The following ATAD3A variants were observed in gnomAD, a reference collection of about 807,000 sequenced individuals.
The protein encoded by ATAD3A is ATPase family AAA domain containing 3A, also known as ATPase family AAA domain-containing protein 3A.
Under a neutral mutation model 73.8 loss-of-function variants are expected in ATAD3A, and 46 were observed. That is an observed-to-expected ratio of 0.62 (90% CI 0.49 to 0.80). ATAD3A has a LOEUF of 0.80. ATAD3A is among the 30% of genes least tolerant of loss of function. The pLI, the probability that ATAD3A is intolerant of heterozygous loss-of-function variation, is 0.00. For missense variants in ATAD3A, 705 were observed against 838.0 expected (o/e 0.84, Z 1.96); for synonymous variants, 319 against 350.0 (o/e 0.91, Z 0.99).
rs374605918 is a variant in ATAD3A, at chr1:1,516,052, G to A, written c.246G>A (p.Glu82=). Residue 82 remains glutamate (E), a synonymous_variant, in exon 2 of 16, where the codon GAG becomes GAA. Coordinates refer to ENST00000378756, the MANE Select transcript of ATAD3A (RefSeq NM_001170535.3). The stretch of plus-strand genomic sequence containing the variant: ...CCCTGAATCTGGCACAGATGCAGGA[G>A]CAGACGCTGCAGTTGGAGCAACAGT... ...KDALNLAQMQ[E]QTLQLEQQSK... 2.5e-6 allele frequency: 4 copies of A among 1,613,858 alleles called. No homozygotes were observed. The highest frequency in any genetic ancestry group is 2.2e-5 in the East Asian group (1 of 44,902).
Position 1,523,431 on chromosome 1 carries a change from C to A in ATAD3A, c.907-80C>A, listed in dbSNP as rs546556619. 6.4e-7 allele frequency: 1 copy of A among 1,556,546 alleles called. No homozygotes were observed. The highest frequency in any genetic ancestry group is 8.7e-7 in the Non-Finnish European group (1 of 1,148,146). On this transcript the variant is annotated intron_variant, in intron 8 of 15. Transcript: ENST00000378756. This position sits in a 1 kb window ranked among gnomAD's most constrained non-coding sequence, Gnocchi z 5.1. ...GGGCAGCTCCGTTTCTGCGTGTTAC[C>A]GAGCGTGTGTGTGCGCGTTGGTGGC...
intron 2 of ATAD3A, among the ~76,000 whole-genome samples, chr1:1,516,533 C>T (rs1050481766): frequency 6.6e-6 from 1 of 152,160 alleles, no homozygotes; most frequent in African/African-American, 2.4e-5. Context: ...CTGCCTCAGC[C>T]TCCTGAATAG....
chr1:1,531,308 G>GGGTGTGGT (rs1345535681), intron 15 of ATAD3A, among the ~76,000 whole-genome samples: 1 of 151,846 alleles, frequency 6.6e-6, no homozygotes, highest in Non-Finnish European at 1.5e-5. Flanking sequence ...AAAATTAGCT[G>GGGTGTGGT]GGTGTGGTGG....
intron 15 of ATAD3A, among the ~76,000 whole-genome samples, chr1:1,529,640 C>G (rs1275691298): frequency 6.6e-6 from 1 of 152,242 alleles, no homozygotes; most frequent in Non-Finnish European, 1.5e-5. Flanking sequence ...CTGACTCTCA[C>G]CTTGGCCAAT....
At chr1:1,528,799 G>C (rs1422332494) in intron 14 of ATAD3A, among the ~76,000 whole-genome samples, 1 of 152,238 alleles carries the variant, frequency 6.6e-6, no homozygotes, top group African/African-American at 2.4e-5. Context: ...TGCCAGCCCA[G>C]CTTTCCGGGC....
chr1:1,516,011 G>A lies in ATAD3A; in HGVS notation c.206-1G>A, dbSNP rs1361468942. 6.2e-7 allele frequency: 1 copy of A among 1,614,064 alleles called. No individual in the cohort carries two copies. Among genetic ancestry groups the A allele is most frequent in the Admixed American group, 1.7e-5 (1 of 60,018 alleles). On this transcript the variant is annotated splice_acceptor_variant, in intron 1 of 15. Transcript: ENST00000378756. LOFTEE classifies it high-confidence loss of function. ...TGCCCTCCGTGTCCTTGCGTCTGCA[G>A]GTTATGCCAAGGACGCCCTGAATCT... is the stretch of plus-strand genomic sequence containing the variant.
intron 4 of ATAD3A, among the ~76,000 whole-genome samples, chr1:1,518,012 C>G (rs1641423631): frequency 6.6e-6 from 1 of 151,936 alleles, no homozygotes; most frequent in Non-Finnish European, 1.5e-5. Context: ...GACACACACT[C>G]CTCGCACACA....
rs182747581 is a variant in ATAD3A, at chr1:1,534,446, G to A, written c.*374G>A. On this transcript the variant is annotated 3_prime_UTR_variant, in exon 16 of 16. Transcript: ENST00000378756. The stretch of plus-strand genomic sequence containing the variant: ...CCAGGCAGGTGATGTCTTTGTTCTC[G>A]GCTCCCACAGCAGAGCCAGGTGAGG... 3.5e-4 allele frequency: 434 copies of A among 1,224,708 alleles called. 7 individuals are homozygous for A. In the South Asian group the frequency reaches 5.6e-3, roughly 16 times the overall value. 75.9% of individuals were successfully genotyped at this position (1,224,708 alleles called of 1,614,324 possible).
At chr1:1,513,092 C>G (rs1641251891) in intron 1 of ATAD3A, among the ~76,000 whole-genome samples, 1 of 152,220 alleles carries the variant, frequency 6.6e-6, no homozygotes, top group Non-Finnish European at 1.5e-5. Context: ...TCAGGTGATT[C>G]GCCCACCTCG....
rs748761098 is a variant in ATAD3A at position 1,529,345 on chromosome 1, C to T, written c.1614+14C>T. The T allele has an allele frequency of 2.4e-5, 37 of 1,551,990 alleles. No homozygotes were observed. Among genetic ancestry groups the T allele is most frequent in the Admixed American group, 5.9e-5 (3 of 51,192 alleles). On this transcript the variant is annotated intron_variant, in intron 15 of 15. Coordinates refer to ENST00000378756, the MANE Select transcript of ATAD3A (RefSeq NM_001170535.3). ...GTGTCCTGGCAGGTGAGTCAGGCTC[C>T]GGCACGTCCACCCAGACGGGACCCC...
chr1:1,533,075 G>A (rs2100689376), intron 15 of ATAD3A, among the ~76,000 whole-genome samples: 1 of 152,342 alleles, frequency 6.6e-6, no homozygotes, highest in Admixed American at 6.5e-5. Flanking sequence ...CGTGGCGACG[G>A]TGTTGTGGGA....
intron 12 of ATAD3A, among the ~76,000 whole-genome samples, chr1:1,526,020 C>G (rs1641830099): frequency 6.6e-6 from 1 of 150,494 alleles, no homozygotes; most frequent in Non-Finnish European, 1.5e-5. Flanking sequence ...GCTTTCTTTT[C>G]TTTTTCTTTT....
rs751269669 is a variant in ATAD3A, at chr1:1,524,013, C to T, written c.1089+49C>T. 8.1e-6 allele frequency: 13 copies of T among 1,612,546 alleles called. No individual in the cohort carries two copies. In the African/African-American group the frequency reaches 1.6e-4, roughly 20 times the overall value. On this transcript the variant is annotated intron_variant, in intron 10 of 15. Transcript: ENST00000378756. ...TGGGCCAGGGGCCGCTGGGGTCTCA[C>T]CTGCCTGCAGGTGTCTGGGGGGCTC...
At chr1:1,526,295 A>T (rs1283868874) in intron 12 of ATAD3A, among the ~76,000 whole-genome samples, 166 bp from the exon 13 acceptor site, 19 of 152,002 alleles carry the variant, frequency 1.2e-4, no homozygotes, top group Admixed American at 1.2e-3. Context: ...TCCAGGTTAC[A>T]TTCGTGAGCC....
intron 15 of ATAD3A, among the ~76,000 whole-genome samples, chr1:1,529,700 G>A (rs1324669441): frequency 6.6e-6 from 1 of 152,236 alleles, no homozygotes; most frequent in African/African-American, 2.4e-5. Flanking sequence ...ATGTGAGTTG[G>A]GGGTTCGGGG....
chr1:1,534,190 C>T lies in ATAD3A; in HGVS notation c.*118C>T, dbSNP rs1181509654. ...GGTGGGGACTGGGCTGTGCCCAGGG[C>T]CTCTGTCCCCCAGGATGTCTTGTGG... On this transcript the variant is annotated 3_prime_UTR_variant, in exon 16 of 16. Coordinates refer to ENST00000378756, the MANE Select transcript of ATAD3A (RefSeq NM_001170535.3). The T allele has an allele frequency of 1.3e-5, 20 of 1,557,482 alleles. No homozygotes were observed. The Admixed American group carries it at 1.6e-4, about 13-fold the overall frequency.
At position 1,520,330 on chromosome 1, in the gene ATAD3A, C is replaced by T. The variant is rs45605537; in HGVS notation, c.680+24C>T. 0.013 allele frequency: 20,821 copies of T among 1,606,272 alleles called. 158 individuals carry two copies. The highest frequency in any genetic ancestry group is 0.015 in the Non-Finnish European group (17,119 of 1,174,180). ...AGGTGAGCACTGCCGAGGCCCGGGC[C>T]GGCCACAGATGGAGCCCCGCAGGTG... On this transcript the variant is annotated intron_variant, in intron 6 of 15. Coordinates refer to ENST00000378756, the MANE Select transcript of ATAD3A (RefSeq NM_001170535.3). This position sits in a 1 kb window ranked among gnomAD's most constrained non-coding sequence, Gnocchi z 4.0.
chr1:1,526,671 C>T, intron 13 of ATAD3A, 140 bp downstream of exon 13: 3 of 1,522,630 alleles, frequency 2.0e-6, no homozygotes, highest in Non-Finnish European at 2.6e-6. Context: ...CTCGGATGTC[C>T]CCTGGGAACG....
intron 1 of ATAD3A, among the ~76,000 whole-genome samples, chr1:1,515,465 G>A (rs1641324989): frequency 6.6e-6 from 1 of 152,178 alleles, no homozygotes; most frequent in Non-Finnish European, 1.5e-5. Flanking sequence ...GCAGCTCAGA[G>A]AATACGTACT....
Sources: gnomAD v4.1 joint callset for allele counts (sites outside exome capture counted in the v4.1 genomes callset) on GRCh38, gnomAD v4.1.1 for gene constraint, Gnocchi (gnomAD v3.1) non-coding constraint, MANE v1.5 for transcripts, NCBI Gene and HGNC (gene_info 2026-07-23, HGNC 2026-07-21) for gene names.